Variants in OCM observed in about 807,000 individuals in gnomAD.
OCM encodes oncomodulin-1.
A neutral mutation model predicts 14.1 loss-of-function variants in OCM; 18 were observed. That is an observed-to-expected ratio of 1.28 (90% CI 0.88 to 1.89). The LOEUF (loss-of-function observed/expected upper bound fraction) is 1.89, where lower values mean the gene tolerates loss of function less well. Among genes scored for constraint, OCM ranks in the 40% most tolerant of loss-of-function variants. The pLI is 0.00. For synonymous variants in OCM, 48 were observed against 51.0 expected (o/e 0.94, Z 0.25); for missense variants, 140 against 137.6 (o/e 1.02, Z -0.09).
At chr7:5,870,128 A>T in the OCM span, among the ~76,000 whole-genome samples, 3 of 129,012 alleles carry the variant, frequency 2.3e-5, no homozygotes, top group Non-Finnish European at 3.2e-5. Context: ...TTTTATAATA[A>T]ATAATAAAAG....
upstream of OCM, chr7:5,880,689 G>A (rs1441749212): frequency 4.0e-6 from 2 of 504,832 alleles, no homozygotes; most frequent in Non-Finnish European, 7.1e-6. Flanking sequence ...AGCCCAGGAG[G>A]CGGAGGTTGC....
the OCM span, among the ~76,000 whole-genome samples, chr7:5,860,607 TGTATATATATTAC>T: frequency 3.8e-5 from 2 of 53,202 alleles, no homozygotes; most frequent in Non-Finnish European, 6.4e-5. Context: ...TATATACGTG[TGTATATATATTAC>T]GTATATATAC....
the OCM span, among the ~76,000 whole-genome samples, chr7:5,865,747 C>G: frequency 1.5e-4 from 23 of 152,310 alleles, no homozygotes; most frequent in African/African-American, 5.3e-4. Context: ...TCCCAGAGAA[C>G]TGTCCTGGGC....
the OCM span, among the ~76,000 whole-genome samples, chr7:5,860,340 ATG>A: frequency 2.0e-5 from 3 of 147,160 alleles, no homozygotes; most frequent in African/African-American, 2.5e-5. Context: ...GGCTCTCCGT[ATG>A]TGTGTGTGTG....
chr7:5,879,405 C>T (rs1043255188), upstream of OCM, among the ~76,000 whole-genome samples: 4 of 152,126 alleles, frequency 2.6e-5, no homozygotes, highest in African/African-American at 9.7e-5. Context: ...GTCTCCTGTG[C>T]CGGGTGAGAC....
At chr7:5,882,090 A>C (rs1781228688) in intron 1 of OCM, among the ~76,000 whole-genome samples, 1 of 21,672 alleles carries the variant, frequency 4.6e-5, no homozygotes, top group Admixed American at 8.0e-4. Context: ...TGTCTCAAAA[A>C]AAAAAAAAAA....
the OCM span, among the ~76,000 whole-genome samples, chr7:5,867,712 A>G: frequency 2.7e-5 from 4 of 150,282 alleles, no homozygotes; most frequent in South Asian, 2.1e-4. Flanking sequence ...TTCAGCTTGT[A>G]TCTTTTCTAT....
the OCM span, among the ~76,000 whole-genome samples, chr7:5,866,808 G>A: frequency 1.3e-5 from 2 of 152,132 alleles, no homozygotes; most frequent in Non-Finnish European, 2.9e-5. Context: ...TTGTGAGCAA[G>A]AAGACATATC....
chr7:5,885,662 G>A (rs1781318764), intron 3 of OCM, among the ~76,000 whole-genome samples: 1 of 148,478 alleles, frequency 6.7e-6, no homozygotes, highest in Admixed American at 6.8e-5. Context: ...CCAGGCTAGA[G>A]TGCAATGGCG....
At chr7:5,860,642 CGT>C in the OCM span, among the ~76,000 whole-genome samples, 8 of 52,760 alleles carry the variant, frequency 1.5e-4, 4 homozygotes, top group Admixed American at 3.7e-4. Context: ...TGTATATATA[CGT>C]GTGTATATAT....
upstream of OCM, among the ~76,000 whole-genome samples, chr7:5,878,875 T>TA (rs57901741): frequency 0.054 from 5,472 of 101,950 alleles, 188 homozygotes; most frequent in East Asian, 0.11. Context: ...TGCTGAAAGT[T>TA]AAAAAAAAAA....
chr7:5,880,938 C>T lies in OCM; in HGVS notation c.49C>T (p.Gln17Ter), dbSNP rs117756190. 7,310 of 1,613,696 alleles carry T rather than the reference C, an allele frequency of 4.5e-3. 28 individuals carry two copies. Among genetic ancestry groups the T allele is most frequent in the Non-Finnish European group, 5.8e-3 (6,808 of 1,179,764 alleles). The change falls in exon 1 of 4, where the codon CAG becomes TAG. Residue 17 changes from glutamine to a stop codon, truncating the protein, a stop_gained. Transcript: ENST00000242104. LOFTEE classifies it high-confidence loss of function. The part of the protein sequence containing the change: ...LSADDIAAAL[Q>*]ECRDPDTFEP... The stretch of plus-strand genomic sequence containing the variant: ...TGCTGACGACATTGCAGCAGCGCTC[C>T]AGGAATGCCGAGGTAGAGGGGACGT...
At chr7:5,865,730 C>G in the OCM span, among the ~76,000 whole-genome samples, 185 of 152,296 alleles carry the variant, frequency 1.2e-3, no homozygotes, top group African/African-American at 4.3e-3. Flanking sequence ...CAGCTGCGAC[C>G]TGGAAGTCCC....
At chr7:5,862,974 C>G in the OCM span, among the ~76,000 whole-genome samples, 1 of 151,476 alleles carries the variant, frequency 6.6e-6, no homozygotes, top group Admixed American at 6.6e-5. Flanking sequence ...TCTACTCCCT[C>G]TTTTCATACG....
the OCM span, among the ~76,000 whole-genome samples, chr7:5,865,757 C>T: frequency 6.6e-6 from 1 of 152,128 alleles, no homozygotes; most frequent in Non-Finnish European, 1.5e-5. Flanking sequence ...CTGTCCTGGG[C>T]TTGGGCAACA....
the OCM span, among the ~76,000 whole-genome samples, chr7:5,871,172 GC>G: frequency 0.44 from 65,629 of 147,648 alleles, 15,335 homozygotes; most frequent in African/African-American, 0.59. Context: ...CATAGTGAGA[GC>G]CCCCCCCCCG....
At chr7:5,870,685 G>A in the OCM span, among the ~76,000 whole-genome samples, 1 of 152,170 alleles carries the variant, frequency 6.6e-6, no homozygotes, top group Admixed American at 6.6e-5. Flanking sequence ...TGAGCAGTGA[G>A]GTATCTTGTG....
In OCM at chr7:5,886,049, C is replaced by A; in HGVS notation, c.305-15C>A. The stretch of plus-strand genomic sequence containing the variant: ...GCCACCTCCACTGACCCTGTTCTCA[C>A]CTCTTCTGTTCTAGAATTCCAGGAA... On this transcript the variant is annotated splice_polypyrimidine_tract_variant and intron_variant, in intron 3 of 3. Coordinates refer to ENST00000242104, the MANE Select transcript of OCM (RefSeq NM_001097622.2). The A allele has an allele frequency of 6.2e-7, 1 of 1,614,136 alleles. No homozygotes were observed. The highest frequency in any genetic ancestry group is 1.1e-5 in the South Asian group (1 of 91,078).
intron 1 of OCM, 79 bp downstream of exon 1, chr7:5,881,029 G>A (rs1327541467): frequency 7.0e-7 from 1 of 1,436,590 alleles, no homozygotes; most frequent in Non-Finnish European, 9.8e-7. Context: ...TCAAAATGTA[G>A]GCCAGGCGGC....
Sources: gnomAD v4.1 joint callset for allele counts (sites outside exome capture counted in the v4.1 genomes callset) on GRCh38, gnomAD v4.1.1 for gene constraint, MANE v1.5 for transcripts, NCBI Gene and HGNC (gene_info 2026-07-23, HGNC 2026-07-21) for gene names.